AFG1L: variants seen among roughly 807,000 people sequenced by gnomAD.
AFG1L encodes the protein AFG1 like ATPase.
Under a neutral mutation model 62.2 loss-of-function variants are expected in AFG1L, and 53 were observed. That is an observed-to-expected ratio of 0.85 (90% CI 0.68 to 1.07). The LOEUF (loss-of-function observed/expected upper bound fraction) is 1.07. Ranked by LOEUF, AFG1L falls within the 50% of genes least tolerant of loss-of-function variation. AFG1L has a pLI of 0.00. For missense variants in AFG1L, 555 were observed against 590.5 expected (o/e 0.94, Z 0.62); for synonymous variants, 228 against 210.3 (o/e 1.08, Z -0.73).
chr6:108,334,529 A>C (rs1419269252), intron 2 of AFG1L, among the ~76,000 whole-genome samples: 1 of 140,380 alleles, frequency 7.1e-6, no homozygotes, highest in Non-Finnish European at 1.6e-5. Context: ...TCATCTCTAA[A>C]AAATAAAAAT....
intron 8 of AFG1L, among the ~76,000 whole-genome samples, chr6:108,463,912 G>A (rs1473244308): frequency 6.6e-6 from 1 of 152,166 alleles, no homozygotes; most frequent in African/African-American, 2.4e-5. Context: ...CCCAGATTAT[G>A]TTTGGTATAA....
In AFG1L at chr6:108,522,431, A is replaced by G; in HGVS notation, c.*6A>G. 1 of 1,604,882 alleles carries G rather than the reference A, an allele frequency of 6.2e-7. No homozygotes were observed. Among genetic ancestry groups the G allele is most frequent in the Non-Finnish European group, 8.5e-7 (1 of 1,172,966 alleles). On this transcript the variant is annotated 3_prime_UTR_variant, in exon 13 of 13. Coordinates refer to ENST00000368977, the MANE Select transcript of AFG1L (RefSeq NM_145315.5). ...GAGACAGAACCAAGAAGTAACTGCCACTTTTGCATAAATAAAACTCTAGAC... is the reference window on the plus strand; with the variant it reads ...GAGACAGAACCAAGAAGTAACTGCCGCTTTTGCATAAATAAAACTCTAGAC...
chr6:108,419,018 ATCTG>A (rs1266348284), intron 7 of AFG1L, among the ~76,000 whole-genome samples: 1 of 152,202 alleles, frequency 6.6e-6, no homozygotes, highest in Non-Finnish European at 1.5e-5. Flanking sequence ...TTGGGTAAAA[ATCTG>A]TCTGTTTACT....
intron 7 of AFG1L, 75 bp from the exon 8 acceptor site, chr6:108,447,139 G>A (rs1317996238): frequency 6.2e-6 from 4 of 645,644 alleles, no homozygotes; most frequent in African/African-American, 3.7e-5. Flanking sequence ...TTTTAAAAAT[G>A]TATAGTATAA....
At chr6:108,388,255 ATTC>A (rs1334130581) in intron 6 of AFG1L, among the ~76,000 whole-genome samples, 10 of 151,754 alleles carry the variant, frequency 6.6e-5, no homozygotes, top group Middle Eastern at 3.4e-3. Context: ...CGTCTATTTG[ATTC>A]TTCTCTCTTT....
chr6:108,442,588 G>C (rs1771597999), intron 7 of AFG1L, among the ~76,000 whole-genome samples: 1 of 152,078 alleles, frequency 6.6e-6, no homozygotes, highest in South Asian at 2.1e-4. Flanking sequence ...AGTTTTTCAG[G>C]GCTGTTCTTC....
intron 7 of AFG1L, among the ~76,000 whole-genome samples, chr6:108,406,999 G>A (rs568113629): frequency 1.3e-5 from 2 of 152,180 alleles, no homozygotes; most frequent in South Asian, 4.2e-4. Context: ...TGGAAAGAGG[G>A]TTCTGACTCC....
At chr6:108,337,101 C>A (rs767883596) in intron 2 of AFG1L, among the ~76,000 whole-genome samples, 4 of 152,192 alleles carry the variant, frequency 2.6e-5, no homozygotes, top group Non-Finnish European at 4.4e-5. Flanking sequence ...CTCATGTGAT[C>A]CTCCTGCCTC....
chr6:108,514,874 A>G (rs1330336844), intron 11 of AFG1L, among the ~76,000 whole-genome samples: 1 of 152,202 alleles, frequency 6.6e-6, no homozygotes, highest in East Asian at 1.9e-4. Context: ...CAGACTTTAA[A>G]CCAACAAAGA....
At chr6:108,482,771 G>GGAATAGACCACAGAAATCAAGTAC (rs544233239) in intron 10 of AFG1L, among the ~76,000 whole-genome samples, 332 of 152,202 alleles carry the variant, frequency 2.2e-3, no homozygotes, top group African/African-American at 7.7e-3. Context: ...TGGTCTTTGG[G>GGAATAGACCACAGAAATCAAGTAC]GAATAGACCA....
intron 8 of AFG1L, among the ~76,000 whole-genome samples, chr6:108,459,329 T>TTG (rs1772367823): frequency 6.6e-6 from 1 of 152,224 alleles, no homozygotes; most frequent in African/African-American, 2.4e-5. Flanking sequence ...CTGAGTGTAT[T>TTG]TGTGTCCCTA....
At chr6:108,296,425 G>A (rs144983664) in intron 1 of AFG1L, among the ~76,000 whole-genome samples, 51 of 152,262 alleles carry the variant, frequency 3.3e-4, no homozygotes, top group African/African-American at 1.2e-3. Context: ...ATGGCAAAAT[G>A]TAAGGCTTTT....
rs561493568 is a variant in AFG1L, at chr6:108,301,431, A to T, written c.139+6213A>T. Among the ~76,000 whole-genome samples, 12 of 152,174 alleles carry T rather than the reference A, an allele frequency of 7.9e-5. No homozygotes were observed. The East Asian group carries it at 2.3e-3, about 29-fold the overall frequency. Reference sequence around the variant, plus strand: ...TAATAAGTGTTGAAGAGAAACAAAGATCTATCTTCTGCAACTTCTTCAGGC... The same window carrying T: ...TAATAAGTGTTGAAGAGAAACAAAGTTCTATCTTCTGCAACTTCTTCAGGC... On this transcript the variant is annotated intron_variant, in intron 1 of 12. Transcript: ENST00000368977.
At chr6:108,312,766 G>GTT (rs994169653) in intron 1 of AFG1L, among the ~76,000 whole-genome samples, 2 of 148,276 alleles carry the variant, frequency 1.3e-5, no homozygotes, top group African/African-American at 4.9e-5. Flanking sequence ...TTCCCCTTAT[G>GTT]TTTTTTTTTT....
chr6:108,514,857 C>T (rs987665125), intron 11 of AFG1L, among the ~76,000 whole-genome samples: 1 of 151,956 alleles, frequency 6.6e-6, no homozygotes, highest in Non-Finnish European at 1.5e-5. Flanking sequence ...CCTAGTCTCT[C>T]ATAAAACAGA....
chr6:108,308,015 CT>C (rs1470047804), intron 1 of AFG1L, among the ~76,000 whole-genome samples: 1 of 152,052 alleles, frequency 6.6e-6, no homozygotes, highest in Non-Finnish European at 1.5e-5. Flanking sequence ...AGTTGTAGTT[CT>C]TTATATAATC....
rs550684520 is a variant in AFG1L at position 108,459,019 on chromosome 6, AC to A, written c.890+11725del. Among the ~76,000 whole-genome samples the A allele has an allele frequency of 3.3e-3, 500 of 152,232 alleles. 4 individuals are homozygous for A. Among genetic ancestry groups the A allele is most frequent in the African/African-American group, 0.011 (471 of 41,538 alleles). On this transcript the variant is annotated intron_variant, in intron 8 of 12. Transcript: ENST00000368977. ...GAAGCAATACCCTTCTGAGAATTCC[AC>A]CTGATACCCTATGCTTTAGTAGGAC...
chr6:108,340,240 T>C (rs552468079), intron 2 of AFG1L, among the ~76,000 whole-genome samples: 134 of 152,346 alleles, frequency 8.8e-4, no homozygotes, highest in African/African-American at 3.2e-3. Flanking sequence ...TCTCATTCTT[T>C]TTTTATGGCT....
intron 7 of AFG1L, among the ~76,000 whole-genome samples, chr6:108,441,853 T>G (rs900834670): frequency 1.3e-5 from 2 of 152,018 alleles, no homozygotes; most frequent in South Asian, 4.1e-4. Flanking sequence ...ATGCAATCAT[T>G]TCGTAGGTCT....
Sources: gnomAD v4.1 joint callset for allele counts (sites outside exome capture counted in the v4.1 genomes callset) on GRCh38, gnomAD v4.1.1 for gene constraint, MANE v1.5 for transcripts, NCBI Gene and HGNC (gene_info 2026-07-23, HGNC 2026-07-21) for gene names.